HDC: variants seen among roughly 807,000 people sequenced by gnomAD.
HDC encodes histidine decarboxylase.
A neutral mutation model predicts 64.4 loss-of-function variants in HDC; 27 were observed. The ratio of observed to expected loss-of-function variants is 0.42; its 90% CI spans 0.31 to 0.58. The LOEUF (loss-of-function observed/expected upper bound fraction) is 0.58, where lower values mean the gene tolerates loss of function less well. HDC is among the 20% of genes least tolerant of loss of function. The probability of loss-of-function intolerance (pLI) is 0.16; values close to 1 mark genes in which losing one functional copy is unlikely to be tolerated. For synonymous variants in HDC, 305 were observed against 314.2 expected, an observed-to-expected ratio of 0.97 and a Z score of 0.31; for missense variants, 711 against 833.9, an observed-to-expected ratio of 0.85 and a Z score of 1.81.
chr15:50,264,644 C>T (rs1237260799), intron 1 of HDC, among the ~76,000 whole-genome samples: 1 of 152,124 alleles, frequency 6.6e-6, no homozygotes, highest in Non-Finnish European at 1.5e-5. Context: ...TTCCTTAGTA[C>T]TCCCTGGGCT....
intron 1 of HDC, among the ~76,000 whole-genome samples, chr15:50,264,357 C>T (rs2045741810): frequency 1.3e-5 from 2 of 152,080 alleles, no homozygotes; most frequent in Admixed American, 1.3e-4. Flanking sequence ...GACCAAGCCC[C>T]CTGCCCTGGC....
intron 1 of HDC, among the ~76,000 whole-genome samples, chr15:50,264,080 A>G (rs1300136519): frequency 6.6e-6 from 1 of 152,222 alleles, no homozygotes; most frequent in Non-Finnish European, 1.5e-5. Context: ...GAAACTCTAT[A>G]GCTCTTTGTA....
chr15:50,252,654 G>A lies in HDC; in HGVS notation c.908C>T (p.Pro303Leu). Residue 303 changes from proline (P) to leucine (L), a missense_variant, in exon 8 of 12, where the codon CCT (proline) becomes CTT (leucine). Physicochemically the swap from Pro to Leu is moderately conservative, Grantham distance 98 (BLOSUM62 -3). This residue lies in a region of HDC where 483 missense variants were observed against 540.9 expected (regional missense o/e 0.89). Coordinates refer to ENST00000267845, the MANE Select transcript of HDC (RefSeq NM_002112.4). The stretch of plus-strand genomic sequence containing the variant: ...AAAATGCACCATCATCCACTTGGAA[G>A]GATTAAAGGTGAAGGAGTCGGCATA... The part of the protein sequence containing the change: ...IEYADSFTFN[P>L]SKWMMVHFDC... 1 of 1,614,182 alleles carries A rather than the reference G, an allele frequency of 6.2e-7. No individual in the cohort carries two copies. The highest frequency in any genetic ancestry group is 1.1e-5 in the South Asian group (1 of 91,086).
chr15:50,248,289 T>C lies in HDC; in HGVS notation c.1096A>G (p.Ile366Val), dbSNP rs767213026. The stretch of plus-strand genomic sequence containing the variant: ...AGATTCTTCACCCCGAAGGACCGAA[T>C]CACGAACCAGAGTTTAACAGAGCGA... ...RFRSVKLWFV[I>V]RSFGVKNLQA... The change falls in exon 10 of 12, where the codon ATT becomes GTT. Residue 366 changes from isoleucine (I) to valine (V), a missense_variant. Transcript: ENST00000267845. The surrounding 1 kb of genome is among the most constrained non-coding windows in gnomAD (Gnocchi z 4.3). 3.1e-6 allele frequency: 5 copies of C among 1,614,114 alleles called. No homozygotes were observed. The highest frequency in any genetic ancestry group is 4.2e-6 in the Non-Finnish European group (5 of 1,179,972).
chr15:50,254,776 C>CTG lies in HDC; in HGVS notation c.442-114_442-113dup, dbSNP rs1555503913. 2,351 of 825,772 alleles carry CTG rather than the reference C, an allele frequency of 2.8e-3. 41 individuals carry two copies. In the African/African-American group the frequency reaches 0.036, roughly 13 times the overall value. 51.2% of individuals were successfully genotyped at this position (825,772 alleles called of 1,614,324 possible). ...TCTCTCTCTCTCTCTCTCTCTCTCT[C>CTG]TGTGTGTGTATGTGTTTGTGTATGT... On this transcript the variant is annotated intron_variant, in intron 4 of 11. Coordinates refer to ENST00000267845, the MANE Select transcript of HDC (RefSeq NM_002112.4).
Position 50,254,610 on chromosome 15 carries a change from T to G in HDC, c.496A>C (p.Ile166Leu). 1 of 1,614,206 alleles carries G rather than the reference T, an allele frequency of 6.2e-7. No individual in the cohort carries two copies. The highest frequency in any genetic ancestry group is 8.5e-7 in the Non-Finnish European group (1 of 1,180,024). ...GGCTCAGACGTTTTCATTTCCAGGA[T>G]TTTGTTCTTCCTTGCTGCCAGCAGG... ...IALLAARKNKILEMKTSEPDA... is the reference protein window; with the variant it reads ...IALLAARKNKLLEMKTSEPDA... Residue 166 changes from isoleucine to leucine, a missense_variant, in exon 5 of 12, where the codon ATC becomes CTC. By Grantham distance (5) the Ile-to-Leu change is conservative. Around this residue, in one of 3 missense-constraint regions of HDC, gnomAD observed 225 missense variants for 276.2 expected, o/e 0.81. Coordinates refer to ENST00000267845, the MANE Select transcript of HDC (RefSeq NM_002112.4).
At position 50,242,700 on chromosome 15, in the gene HDC, C is replaced by G; in HGVS notation, c.1549G>C (p.Val517Leu). 1 of 1,614,140 alleles carries G rather than the reference C, an allele frequency of 6.2e-7. No homozygotes were observed. The highest frequency in any genetic ancestry group is 8.5e-7 in the Non-Finnish European group (1 of 1,180,028). The change falls in exon 12 of 12, where the codon GTC becomes CTC. Residue 517 changes from valine (V) to leucine (L), a missense_variant. Physicochemically the swap from Val to Leu is conservative, Grantham distance 32. This residue lies in a region of HDC where 483 missense variants were observed against 540.9 expected (regional missense o/e 0.89). Transcript: ENST00000267845. ...TGCTTGATGATCTTCCTGGCCTGGA[C>G]TGGATCATCTCCTGCCCCACTGACA... is the stretch of plus-strand genomic sequence containing the variant. ...QSVSGAGDDPVQARKIIKQPQ... is the reference protein window; with the variant it reads ...QSVSGAGDDPLQARKIIKQPQ...
chr15:50,261,578 G>A (rs1020082271), intron 2 of HDC, among the ~76,000 whole-genome samples: 2 of 149,402 alleles, frequency 1.3e-5, no homozygotes, highest in Non-Finnish European at 3.0e-5. Flanking sequence ...CCCAGGAGTT[G>A]GAGACCAGCT....
intron 10 of HDC, among the ~76,000 whole-genome samples, chr15:50,244,281 ACCT>A (rs1174418821): frequency 5.0e-5 from 7 of 141,172 alleles, no homozygotes; most frequent in Non-Finnish European, 9.1e-5. Flanking sequence ...AGTTAGCTGA[ACCT>A]CTTTTTTTTT....
At chr15:50,251,326 G>A (rs573961600) in intron 9 of HDC, among the ~76,000 whole-genome samples, 16 of 152,142 alleles carry the variant, frequency 1.1e-4, no homozygotes, top group African/African-American at 3.9e-4. Flanking sequence ...ACCATATATT[G>A]AGCACTTGCC....
Position 50,252,349 on chromosome 15 carries a change from G to A in HDC, c.1041+81C>T, listed in dbSNP as rs933196836. 5.0e-5 allele frequency: 51 copies of A among 1,027,794 alleles called. 1 individual carries two copies. The highest frequency in any genetic ancestry group is 2.8e-4 in the South Asian group (22 of 79,168). The allele number at this position is 1,027,794 out of a possible 1,614,324, so 63.7% of individuals were successfully genotyped here. A position where few individuals can be genotyped will look rare whatever the true frequency, so the allele number is the denominator to read the frequency against. ...GTGCTGCCTTCTGAAGGGAGCCACC[G>A]TACAGATTTTGGGGGGTCAGACGCC... On this transcript the variant is annotated intron_variant, in intron 9 of 11. Transcript: ENST00000267845.
At chr15:50,254,736 TTTTCTCTCTCTCTCTCTC>T (rs966010970) in intron 4 of HDC, 72 bp from the exon 5 acceptor site, 17 of 1,223,852 alleles carry the variant, frequency 1.4e-5, no homozygotes, top group Middle Eastern at 2.3e-4. Flanking sequence ...CTTTCTAGTT[TTTTCTCTCTCTCTCTCTC>T]TCTCTCTCTC....
At position 50,265,680 on chromosome 15, in the gene HDC, A is replaced by AAAGGCGTGG. The variant is rs1468771065; in HGVS notation, c.-66_-58dup. On this transcript the variant is annotated 5_prime_UTR_variant, in exon 1 of 12. Transcript: ENST00000267845. ...GGACACGCAGGAGGTGGAAGGCGTGAAAGGCGTGGAGCAGCCCGGCTTCCC... is the reference window on the plus strand; with the variant it reads ...GGACACGCAGGAGGTGGAAGGCGTGAAAGGCGTGGAAGGCGTGGAGCAGCCCGGCTTCCC... 59 of 1,558,008 alleles carry AAAGGCGTGG rather than the reference A, an allele frequency of 3.8e-5. 2 individuals are homozygous for AAAGGCGTGG. In the Middle Eastern group the frequency reaches 8.4e-4, roughly 22 times the overall value.
intron 7 of HDC, chr15:50,253,152 G>A (rs2045581086): frequency 7.8e-6 from 3 of 384,538 alleles, no homozygotes; most frequent in Middle Eastern, 8.1e-4. Flanking sequence ...GTGGTTTCTT[G>A]CTTGGGGATT....
At chr15:50,259,407 G>C (rs2045674083) in intron 2 of HDC, among the ~76,000 whole-genome samples, 3 of 152,102 alleles carry the variant, frequency 2.0e-5, no homozygotes, top group African/African-American at 7.2e-5. Context: ...CGACCTCCAG[G>C]CTAAGCCCTG....
chr15:50,244,920 C>G (rs924136996), intron 10 of HDC: 2 of 152,174 alleles, frequency 1.3e-5, no homozygotes, highest in African/African-American at 4.8e-5. Context: ...GACACGTGCC[C>G]CTGTGCCCAG....
In HDC at chr15:50,242,725, A is replaced by G. The variant is rs368952881; in HGVS notation, c.1524T>C (p.Ser508=). 1.1e-5 allele frequency: 17 copies of G among 1,614,074 alleles called. No homozygotes were observed. The African/African-American group carries it at 2.3e-4, about 22-fold the overall frequency. The part of the protein sequence containing the change: ...RAWACGTSLQ[S]VSGAGDDPVQ... Reference sequence around the variant, plus strand: ...CTGGATCATCTCCTGCCCCACTGACAGACTGAAGGGACGTTCCACAGGCCC... The same window carrying G: ...CTGGATCATCTCCTGCCCCACTGACGGACTGAAGGGACGTTCCACAGGCCC... The change falls in exon 12 of 12, where the codon TCT becomes TCC. Residue 508 remains serine, a synonymous_variant. Coordinates refer to ENST00000267845, the MANE Select transcript of HDC (RefSeq NM_002112.4).
rs112700986 is a variant in HDC at position 50,243,677 on chromosome 15, G to A, written c.1141-433C>T. 6.0e-3 allele frequency among the ~76,000 whole-genome samples: 921 copies of A among 152,340 alleles called. 4 individuals are homozygous for A. The highest frequency in any genetic ancestry group is 0.021 in the African/African-American group (884 of 41,570). ...CTAAAGGAAGAGATGCCTGTTTGTA[G>A]TGCACATCAAGTTGCCATATGGGCT... On this transcript the variant is annotated intron_variant, in intron 10 of 11. Coordinates refer to ENST00000267845, the MANE Select transcript of HDC (RefSeq NM_002112.4).
intron 7 of HDC, 84 bp from the exon 8 acceptor site, chr15:50,252,858 C>T: frequency 7.2e-7 from 1 of 1,381,268 alleles, no homozygotes; most frequent in Non-Finnish European, 1.0e-6. Context: ...GAGTGGTGGG[C>T]TGCAAGGATG....
Sources: gnomAD v4.1 joint callset for allele counts (sites outside exome capture counted in the v4.1 genomes callset) on GRCh38, gnomAD v4.1.1 for gene constraint, gnomAD v4.1.1 regional missense constraint, Gnocchi (gnomAD v3.1) non-coding constraint, MANE v1.5 for transcripts, NCBI Gene and HGNC (gene_info 2026-07-23, HGNC 2026-07-21) for gene names.